The following ARHGAP6 variants were observed in gnomAD, a reference collection of about 807,000 sequenced individuals.
ARHGAP6 encodes the protein rho GTPase-activating protein 6.
ARHGAP6 carries 16 observed loss-of-function variants against 55.7 expected under a neutral mutation model. The ratio of observed to expected loss-of-function variants is 0.29; its 90% CI spans 0.19 to 0.44. The LOEUF is 0.44. ARHGAP6 is among the 20% of genes least tolerant of loss of function. The probability of loss-of-function intolerance (pLI) is 1.00; values close to 1 mark genes in which losing one functional copy is unlikely to be tolerated. For synonymous variants in ARHGAP6, 382 were observed against 360.9 expected (o/e 1.06, Z -0.66); for missense variants, 698 against 808.9 (o/e 0.86, Z 1.66).
At chrX:11,448,761 C>A (rs137968401) in intron 1 of ARHGAP6, among the ~76,000 whole-genome samples, 1 of 111,204 alleles carries the variant, frequency 9.0e-6, no homozygotes, top group South Asian at 3.9e-4. Flanking sequence ...CAAATGAGTG[C>A]GTTCATCTTA....
At chrX:11,302,025 A>AAACCAGAG (rs1290396395) in intron 1 of ARHGAP6, among the ~76,000 whole-genome samples, 1 of 112,512 alleles carries the variant, frequency 8.9e-6, no homozygotes, top group East Asian at 2.8e-4. Flanking sequence ...GGAATGTTTC[A>AAACCAGAG]AACCAGAGAC....
chrX:11,322,372 T>TG (rs1355376303), intron 1 of ARHGAP6, among the ~76,000 whole-genome samples: 1 of 110,329 alleles, frequency 9.1e-6, no homozygotes, highest in African/African-American at 3.3e-5. Context: ...TATTTTTCTT[T>TG]TTTGAGACAG....
intron 1 of ARHGAP6, among the ~76,000 whole-genome samples, chrX:11,622,240 T>C (rs1374123179): frequency 1.8e-5 from 2 of 112,026 alleles, no homozygotes; most frequent in Admixed American, 1.9e-4. Context: ...CTGTGGTATG[T>C]AAGCTGCTTC....
At chrX:11,192,609 C>T (rs1203056007) in intron 3 of ARHGAP6, among the ~76,000 whole-genome samples, 1 of 112,407 alleles carries the variant, frequency 8.9e-6, no homozygotes, top group African/African-American at 3.2e-5. Flanking sequence ...GTTGTATGAG[C>T]TATTTGTATA....
intron 3 of ARHGAP6, among the ~76,000 whole-genome samples, chrX:11,192,897 T>A (rs2046479106): frequency 8.9e-6 from 1 of 112,602 alleles, no homozygotes; most frequent in Admixed American, 9.4e-5. Context: ...TACTTAATTT[T>A]AAAATTACTT....
chrX:11,633,538 C>T (rs977524258), intron 1 of ARHGAP6, among the ~76,000 whole-genome samples: 1 of 111,952 alleles, frequency 8.9e-6, no homozygotes, highest in Non-Finnish European at 1.9e-5. Context: ...GACATTCCAT[C>T]ACCCTTTCAT....
chrX:11,547,063 T>G (rs1454854068), intron 1 of ARHGAP6, among the ~76,000 whole-genome samples: 4 of 112,432 alleles, frequency 3.6e-5, no homozygotes, highest in Non-Finnish European at 7.5e-5. Flanking sequence ...CTTTGGCCTG[T>G]CCAGAAAACC....
chrX:11,231,194 T>C (rs1190018875), intron 2 of ARHGAP6, among the ~76,000 whole-genome samples: 1 of 112,301 alleles, frequency 8.9e-6, no homozygotes, highest in African/African-American at 3.2e-5. Flanking sequence ...ATACATATGC[T>C]TGAAAAATTG....
chrX:11,509,554 G>A (rs962918063), intron 1 of ARHGAP6, among the ~76,000 whole-genome samples: 3 of 111,840 alleles, frequency 2.7e-5, no homozygotes, highest in South Asian at 3.7e-4. Context: ...AGCCTATCAG[G>A]TGGACCTTCA....
At chrX:11,604,629 G>T (rs983067512) in intron 1 of ARHGAP6, among the ~76,000 whole-genome samples, 1 of 112,267 alleles carries the variant, frequency 8.9e-6, no homozygotes, top group Non-Finnish European at 1.9e-5. Flanking sequence ...AAAAGTATTT[G>T]TGGGGTCTTA....
At chrX:11,657,281 G>C (rs1252129212) in intron 1 of ARHGAP6, among the ~76,000 whole-genome samples, 2 of 109,672 alleles carry the variant, frequency 1.8e-5, no homozygotes, top group African/African-American at 3.3e-5. Flanking sequence ...ACCAAGAAGG[G>C]GGTCACAGCA....
chrX:11,323,898 G>GA (rs1290217507), intron 1 of ARHGAP6, among the ~76,000 whole-genome samples: 2 of 102,946 alleles, frequency 1.9e-5, no homozygotes, highest in African/African-American at 7.0e-5. Context: ...GAAAAAAGAA[G>GA]AAGGGATGAT....
intron 1 of ARHGAP6, among the ~76,000 whole-genome samples, chrX:11,330,735 C>T (rs1302406632): frequency 2.7e-5 from 3 of 111,781 alleles, no homozygotes; most frequent in Non-Finnish European, 3.8e-5. Context: ...CATAGACCCA[C>T]GGTAAGAAGG....
At chrX:11,416,978 G>T (rs2147772487) in intron 1 of ARHGAP6, among the ~76,000 whole-genome samples, 1 of 101,092 alleles carries the variant, frequency 9.9e-6, no homozygotes, top group East Asian at 3.0e-4. Context: ...GAAAACACAG[G>T]TGTTGGAATT....
intron 1 of ARHGAP6, among the ~76,000 whole-genome samples, chrX:11,658,556 G>T (rs1048805497): frequency 1.8e-5 from 2 of 109,492 alleles, no homozygotes; most frequent in Non-Finnish European, 3.8e-5. Flanking sequence ...TTTCTCTGCT[G>T]CATTTTAAAA....
chrX:11,660,558 A>C (rs201398633), intron 1 of ARHGAP6, among the ~76,000 whole-genome samples: 9,358 of 72,165 alleles, frequency 0.13, 997 homozygotes, highest in African/African-American at 0.22. Context: ...AAAAAAAAAA[A>C]AAAAAAAAAA....
chrX:11,212,101 C>T (rs1469878934), intron 2 of ARHGAP6, among the ~76,000 whole-genome samples: 1 of 111,442 alleles, frequency 9.0e-6, no homozygotes, highest in Non-Finnish European at 1.9e-5. Flanking sequence ...CTAATTTGTT[C>T]TAAACCTCAT....
chrX:11,379,227 T>G (rs943610793), intron 1 of ARHGAP6, among the ~76,000 whole-genome samples: 1 of 112,318 alleles, frequency 8.9e-6, no homozygotes, highest in African/African-American at 3.2e-5. Context: ...AAAGGTCTCT[T>G]GAGGTCTAGG....
chrX:11,308,442 A>G (rs1003773174), intron 1 of ARHGAP6, among the ~76,000 whole-genome samples: 4 of 111,969 alleles, frequency 3.6e-5, no homozygotes, highest in Admixed American at 9.4e-5. Flanking sequence ...TGAACCAGCC[A>G]TCTGTCTTTG....
Sources: gnomAD v4.1 joint callset for allele counts (sites outside exome capture counted in the v4.1 genomes callset) on GRCh38, gnomAD v4.1.1 for gene constraint, MANE v1.5 for transcripts, NCBI Gene and HGNC (gene_info 2026-07-23, HGNC 2026-07-21) for gene names.